The following RAC3 variants were observed in gnomAD, a reference collection of about 807,000 sequenced individuals.
The protein encoded by RAC3 is ras-related C3 botulinum toxin substrate 3.
RAC3 carries 9 observed loss-of-function variants against 19.0 expected under a neutral mutation model. The observed-to-expected ratio is 0.47, with a 90% confidence interval of 0.29 to 0.83. The LOEUF (loss-of-function observed/expected upper bound fraction) is 0.83. Ranked by LOEUF, RAC3 falls within the 40% of genes least tolerant of loss-of-function variation. The probability of loss-of-function intolerance (pLI) is 0.09; values close to 1 mark genes in which losing one functional copy is unlikely to be tolerated. For synonymous variants in RAC3, 146 were observed against 111.8 expected (o/e 1.31, Z -1.93); for missense variants, 203 against 260.8 (o/e 0.78, Z 1.53).
intron 1 of RAC3, 46 bp from the exon 2 acceptor site, chr17:82,032,341 G>A (rs781114791): frequency 4.4e-6 from 7 of 1,596,888 alleles, no homozygotes; most frequent in African/African-American, 1.3e-5. Context: ...CTGGGCAGAG[G>A]GTCCGAGGCC....
intron 1 of RAC3, 45 bp from the exon 2 acceptor site, chr17:82,032,342 G>T (rs1214772330): frequency 2.5e-6 from 4 of 1,599,594 alleles, no homozygotes; most frequent in Non-Finnish European, 3.4e-6. Context: ...TGGGCAGAGG[G>T]TCCGAGGCCG....
Position 82,031,725 on chromosome 17 carries a change from G to T in RAC3, c.-37G>T. 1.0e-6 allele frequency: 1 copy of T among 987,742 alleles called. No individual in the cohort carries two copies. The highest frequency in any genetic ancestry group is 1.8e-5 in the African/African-American group (1 of 56,692). The allele number at this position is 987,742 out of a possible 1,614,324, so 61.2% of individuals were successfully genotyped here. A position where few individuals can be genotyped will look rare whatever the true frequency, so the allele number is the denominator to read the frequency against. On this transcript the variant is annotated 5_prime_UTR_variant, in exon 1 of 6. Coordinates refer to ENST00000306897, the MANE Select transcript of RAC3 (RefSeq NM_005052.3). ...GCGCCGGGCATTTCTCCGCAGCTCGGCTCGCGGCCGCGCCCGCCGCCGCCC... is the reference window on the plus strand; with the variant it reads ...GCGCCGGGCATTTCTCCGCAGCTCGTCTCGCGGCCGCGCCCGCCGCCGCCC...
intron 3 of RAC3, 34 bp downstream of exon 3, chr17:82,032,862 G>A (rs757923520): frequency 6.8e-6 from 11 of 1,611,408 alleles, no homozygotes; most frequent in Admixed American, 1.7e-5. Context: ...CGGGAGCTGG[G>A]GGGGTCCCTG....
chr17:82,033,401 C>A lies in RAC3; in HGVS notation c.289-39C>A, dbSNP rs544608125. The A allele has an allele frequency of 1.9e-6, 3 of 1,539,354 alleles. No individual in the cohort carries two copies. Among genetic ancestry groups the A allele is most frequent in the Admixed American group, 2.0e-5 (1 of 50,112 alleles). On this transcript the variant is annotated intron_variant, in intron 4 of 5. Coordinates refer to ENST00000306897, the MANE Select transcript of RAC3 (RefSeq NM_005052.3). The surrounding 1 kb of genome is among the most constrained non-coding windows in gnomAD (Gnocchi z 6.2). ...CTTGCTCAGGTGGGGCTGGGGTAGC[C>A]GACTCCGGGCCTAGGGATCAGAGCG...
chr17:82,032,584 C>T, intron 2 of RAC3, 126 bp downstream of exon 2: 2 of 1,441,716 alleles, frequency 1.4e-6, no homozygotes, highest in Non-Finnish European at 1.9e-6. Flanking sequence ...GGCTTCCCGG[C>T]TGGAGCTGAG....
At chr17:82,032,854 G>A in intron 3 of RAC3, 26 bp downstream of exon 3, 2 of 1,611,624 alleles carry the variant, frequency 1.2e-6, no homozygotes, top group African/African-American at 1.3e-5. Context: ...GCCAGCCCCG[G>A]GAGCTGGGGG....
rs778394723 is a variant in RAC3 at position 82,032,477 on chromosome 17, C to T, written c.107+19C>T. 7.4e-6 allele frequency: 12 copies of T among 1,611,456 alleles called. No individual in the cohort carries two copies. The highest frequency in any genetic ancestry group is 5.0e-5 in the Admixed American group (3 of 60,024). ...CCACCGTGTGAGTGTGGGGGCTTCC[C>T]GGGAGAGCACAGGCCCTCCGTGTGA... On this transcript the variant is annotated intron_variant, in intron 2 of 5. Transcript: ENST00000306897.
At chr17:82,032,282 C>T (rs1379410285) in intron 1 of RAC3, 105 bp from the exon 2 acceptor site, 1 of 1,114,244 alleles carries the variant, frequency 9.0e-7, no homozygotes, top group Non-Finnish European at 1.3e-6. Flanking sequence ...CCTCTCGACC[C>T]CAGACGCCCC....
In RAC3 at chr17:82,032,732, C is replaced by T. The variant is rs150295066; in HGVS notation, c.129C>T (p.Asn43=). The change falls in exon 3 of 6, where the codon AAC becomes AAT. Residue 43 remains asparagine (N), a synonymous_variant. Transcript: ENST00000306897. ...IPTVFDNYSA[N]VMVDGKPVNL... is the part of the protein sequence containing the mutation. ...GCAGTTTTGACAACTACTCTGCCAACGTGATGGTGGACGGGAAACCAGTCA... is the reference window on the plus strand; with the variant it reads ...GCAGTTTTGACAACTACTCTGCCAATGTGATGGTGGACGGGAAACCAGTCA... The T allele has an allele frequency of 2.5e-5, 40 of 1,612,984 alleles. No homozygotes were observed. Among genetic ancestry groups the T allele is most frequent in the Non-Finnish European group, 3.2e-5 (38 of 1,179,994 alleles).
Position 82,031,779 on chromosome 17 carries a change from C to T in RAC3, c.18C>T (p.Cys6=), listed in dbSNP as rs2043431344. The change falls in exon 1 of 6, where the codon TGC becomes TGT. Residue 6 remains cysteine (C), a synonymous_variant. Coordinates refer to ENST00000306897, the MANE Select transcript of RAC3 (RefSeq NM_005052.3). MQAIK[C]VVVGDGAVGK... ...CCGCGCCCATGCAGGCCATCAAGTGCGTGGTGGTCGGCGACGGGTGAGTGC... is the reference window on the plus strand; with the variant it reads ...CCGCGCCCATGCAGGCCATCAAGTGTGTGGTGGTCGGCGACGGGTGAGTGC... The T allele has an allele frequency of 2.0e-6, 2 of 984,500 alleles. No individual in the cohort carries two copies. Among genetic ancestry groups the T allele is most frequent in the Non-Finnish European group, 1.2e-6 (1 of 832,138 alleles). The allele number at this position is 984,500 out of a possible 1,614,324, so 61.0% of individuals were successfully genotyped here. A position where few individuals can be genotyped will look rare whatever the true frequency, so the allele number is the denominator to read the frequency against.
At chr17:82,032,575 G>T in intron 2 of RAC3, 117 bp downstream of exon 2, 6 of 1,452,324 alleles carry the variant, frequency 4.1e-6, no homozygotes, top group Non-Finnish European at 4.8e-6. Flanking sequence ...CTGTCTCTGG[G>T]CTTCCCGGCT....
rs2043454813 is a variant in RAC3, at chr17:82,033,617, G to C, written c.448+18G>C. ...GGAGATTGGTGGGTAGGCGCTGGCG[G>C]CCTGCAGGGGAGGGGTGGGGAGGCG... On this transcript the variant is annotated intron_variant, in intron 5 of 5. Coordinates refer to ENST00000306897, the MANE Select transcript of RAC3 (RefSeq NM_005052.3). This position sits in a 1 kb window ranked among gnomAD's most constrained non-coding sequence, Gnocchi z 6.2. 1.2e-6 allele frequency: 2 copies of C among 1,604,192 alleles called. No individual in the cohort carries two copies. The highest frequency in any genetic ancestry group is 1.7e-6 in the Non-Finnish European group (2 of 1,173,708).
At position 82,034,173 on chromosome 17, in the gene RAC3, TCA is replaced by T; in HGVS notation, c.*345_*346del. The T allele has an allele frequency of 4.3e-6, 1 of 233,112 alleles. No homozygotes were observed. Among genetic ancestry groups the T allele is most frequent in the Non-Finnish European group, 8.5e-6 (1 of 117,296 alleles). 14.4% of individuals were successfully genotyped at this position (233,112 alleles called of 1,614,324 possible). Reference sequence around the variant, plus strand: ...TGCCCCGAGGTGGGGCAGCCCCTTCTCATTTTATACAATAAACATTCTCCACC... The same window carrying T: ...TGCCCCGAGGTGGGGCAGCCCCTTCTTTTTATACAATAAACATTCTCCACC... On this transcript the variant is annotated 3_prime_UTR_variant, in exon 6 of 6. Transcript: ENST00000306897.
intron 1 of RAC3, 200 bp from the exon 2 acceptor site, chr17:82,032,187 T>C: frequency 3.4e-6 from 2 of 591,408 alleles, no homozygotes; most frequent in Non-Finnish European, 6.0e-6. Context: ...CCTGCGCCCT[T>C]ATTCACCACC....
At chr17:82,032,586 G>A (rs2043441722) in intron 2 of RAC3, 125 bp from the exon 3 acceptor site, 3 of 1,434,476 alleles carry the variant, frequency 2.1e-6, no homozygotes, top group East Asian at 4.6e-5. Flanking sequence ...CTTCCCGGCT[G>A]GAGCTGAGGT....
At position 82,033,422 on chromosome 17, in the gene RAC3, G is replaced by C. The variant is rs1335204101; in HGVS notation, c.289-18G>C. 6.4e-7 allele frequency: 1 copy of C among 1,573,906 alleles called. No homozygotes were observed. Among genetic ancestry groups the C allele is most frequent in the Non-Finnish European group, 8.6e-7 (1 of 1,160,218 alleles). On this transcript the variant is annotated intron_variant, in intron 4 of 5. Transcript: ENST00000306897. This position sits in a 1 kb window ranked among gnomAD's most constrained non-coding sequence, Gnocchi z 6.2. ...TAGCCGACTCCGGGCCTAGGGATCAGAGCGTCTGTCCCTGCAGTGGTACCC... is the reference window on the plus strand; with the variant it reads ...TAGCCGACTCCGGGCCTAGGGATCACAGCGTCTGTCCCTGCAGTGGTACCC...
At position 82,033,671 on chromosome 17, in the gene RAC3, C is replaced by T. The variant is rs766579929; in HGVS notation, c.449-28C>T. The T allele has an allele frequency of 6.2e-6, 10 of 1,606,394 alleles. No homozygotes were observed. The highest frequency in any genetic ancestry group is 8.5e-6 in the Non-Finnish European group (10 of 1,174,848). Reference sequence around the variant, plus strand: ...TAAGGGCCTCCCTGTACCCCACCCTCACTGTCTCCCCTCCTCACTGCCGCT... The same window carrying T: ...TAAGGGCCTCCCTGTACCCCACCCTTACTGTCTCCCCTCCTCACTGCCGCT... On this transcript the variant is annotated intron_variant, in intron 5 of 5. Transcript: ENST00000306897. The surrounding 1 kb of genome is among the most constrained non-coding windows in gnomAD (Gnocchi z 6.2).
Position 82,032,941 on chromosome 17 carries a change from C to T in RAC3, c.226-6C>T. 1 of 1,613,628 alleles carries T rather than the reference C, an allele frequency of 6.2e-7. No individual in the cohort carries two copies. On this transcript the variant is annotated splice_region_variant and splice_polypyrimidine_tract_variant and intron_variant, in intron 3 of 5. Transcript: ENST00000306897. The stretch of plus-strand genomic sequence containing the variant: ...CCACTCCACCAGGTCCCACCTTTTT[C>T]CCAAGGACGTCTTTCTGATCTGCTT...
chr17:82,032,659 G>T, intron 2 of RAC3, 52 bp from the exon 3 acceptor site: 1 of 1,548,328 alleles, frequency 6.5e-7, no homozygotes, highest in Non-Finnish European at 8.9e-7. Context: ...AGCAGGGCTG[G>T]GGGTTTCTGG....
Sources: allele counts gnomAD v4.1 joint callset, GRCh38; gene constraint gnomAD v4.1.1; non-coding constraint Gnocchi (gnomAD v3.1); transcripts MANE v1.5; gene names NCBI Gene and HGNC (gene_info 2026-07-23, HGNC 2026-07-21).